UHRF1: variants seen among roughly 807,000 people sequenced by gnomAD.
UHRF1 encodes the protein E3 ubiquitin-protein ligase UHRF1.
In UHRF1, 9 loss-of-function variants were observed where a neutral mutation model predicts 96.5. That is an observed-to-expected ratio of 0.09 (90% CI 0.06 to 0.16). UHRF1 has a LOEUF of 0.16. Ranked by LOEUF, UHRF1 falls within the 10% of genes least tolerant of loss-of-function variation. UHRF1 has a pLI of 1.00. For missense variants in UHRF1, 626 were observed against 1,131.1 expected (o/e 0.55, Z 6.40); for synonymous variants, 455 against 469.9 (o/e 0.97, Z 0.41).
intron 2 of UHRF1, among the ~76,000 whole-genome samples, chr19:4,914,818 C>A (rs1271561053): frequency 2.0e-5 from 3 of 152,150 alleles, no homozygotes; most frequent in African/African-American, 7.2e-5. Flanking sequence ...AGGGCTAATA[C>A]CCACCACGCT....
At chr19:4,942,048 T>C (rs527675831) in intron 7 of UHRF1, 117 bp downstream of exon 7, 2 of 1,172,810 alleles carry the variant, frequency 1.7e-6, no homozygotes, top group African/African-American at 3.2e-5. Flanking sequence ...GCAATCCCAG[T>C]GCTTTGGGAG....
upstream of UHRF1, chr19:4,909,314 C>G (rs1445211999): frequency 7.3e-6 from 4 of 549,396 alleles, no homozygotes; most frequent in Non-Finnish European, 1.3e-5. Flanking sequence ...CCCAGCAGAG[C>G]GCGCAGGGCT....
chr19:4,954,566 G>T lies in UHRF1; in HGVS notation c.1957+78G>T, dbSNP rs2033802972. On this transcript the variant is annotated intron_variant, in intron 14 of 16. Transcript: ENST00000650932. This position sits in a 1 kb window ranked among gnomAD's most constrained non-coding sequence, Gnocchi z 5.9. The stretch of plus-strand genomic sequence containing the variant: ...GGCATCTCGCGGGTGTGGGGTTGAG[G>T]TCGTGTGGACGTGGGAGCCGGTGGC... 1.3e-6 allele frequency: 2 copies of T among 1,587,464 alleles called. No homozygotes were observed. Among genetic ancestry groups the T allele is most frequent in the Non-Finnish European group, 1.7e-6 (2 of 1,165,066 alleles).
intron 10 of UHRF1, among the ~76,000 whole-genome samples, chr19:4,946,331 C>A (rs2033564214): frequency 6.6e-6 from 1 of 152,132 alleles, no homozygotes; most frequent in South Asian, 2.1e-4. Context: ...CTTGCTTTGT[C>A]CATGTTGTCG....
chr19:4,911,744 C>T (rs987738970), intron 2 of UHRF1, among the ~76,000 whole-genome samples: 3 of 152,130 alleles, frequency 2.0e-5, no homozygotes, highest in South Asian at 2.1e-4. Context: ...GGTGGAGGTG[C>T]TACTTTGGTT....
At position 4,954,437 on chromosome 19, in the gene UHRF1, G is replaced by A. The variant is rs747402498; in HGVS notation, c.1906G>A (p.Gly636Ser). 1.2e-6 allele frequency: 2 copies of A among 1,613,758 alleles called. No individual in the cohort carries two copies. The highest frequency in any genetic ancestry group is 1.7e-6 in the Non-Finnish European group (2 of 1,179,762). The change falls in exon 14 of 17, where the codon GGC becomes AGC. Residue 636 changes from glycine to serine, a missense_variant. By Grantham distance (56) the Gly-to-Ser change is moderately conservative. Around this residue, in one of 11 missense-constraint regions of UHRF1, gnomAD observed 90 missense variants for 94.7 expected, o/e 0.95. Transcript: ENST00000650932. The surrounding 1 kb of genome is among the most constrained non-coding windows in gnomAD (Gnocchi z 5.9). ...GGAGGAGGAGGAGCAGCAGGAGGGG[G>A]GCTTCGCGTCCCCCAGGACGGGCAA... Reference protein sequence around the residue: ...KREEEEQQEGGFASPRTGKGK... With the variant: ...KREEEEQQEGSFASPRTGKGK...
At chr19:4,919,710 G>A (rs888463123) in intron 2 of UHRF1, among the ~76,000 whole-genome samples, 3 of 152,150 alleles carry the variant, frequency 2.0e-5, no homozygotes, top group African/African-American at 7.2e-5. Context: ...AGTTAGGGCT[G>A]AGGTGGTGTC....
chr19:4,913,252 C>CTTT (rs4022195), intron 2 of UHRF1, among the ~76,000 whole-genome samples: 38,964 of 110,938 alleles, frequency 0.35, 8,370 homozygotes, highest in African/African-American at 0.48. Context: ...GTACATTGTG[C>CTTT]TTTTTTTTTT....
intron 10 of UHRF1, among the ~76,000 whole-genome samples, chr19:4,946,806 G>C (rs2033579464): frequency 6.6e-6 from 1 of 152,126 alleles, no homozygotes; most frequent in African/African-American, 2.4e-5. Flanking sequence ...GAACTCCTGG[G>C]CTTAAGCGAT....
chr19:4,956,088 C>T (rs903960075), intron 15 of UHRF1, among the ~76,000 whole-genome samples: 6 of 152,112 alleles, frequency 3.9e-5, no homozygotes, highest in East Asian at 3.9e-4. Context: ...GCACCCACCA[C>T]GCCTGGCTAA....
chr19:4,930,328 G>A lies in UHRF1; in HGVS notation c.409-388G>A, dbSNP rs1279675719. On this transcript the variant is annotated intron_variant, in intron 3 of 16. Coordinates refer to ENST00000650932, the MANE Select transcript of UHRF1 (RefSeq NM_001048201.3). The surrounding 1 kb of genome is among the most constrained non-coding windows in gnomAD (Gnocchi z 4.4). ...TTACCATGTTGCCCAGGCTAGTCTTGAATTCCGGGGCTCAAGCGATCCACC... is the reference window on the plus strand; with the variant it reads ...TTACCATGTTGCCCAGGCTAGTCTTAAATTCCGGGGCTCAAGCGATCCACC... 6.6e-6 allele frequency among the ~76,000 whole-genome samples: 1 copy of A among 152,156 alleles called. No individual in the cohort carries two copies. Among genetic ancestry groups the A allele is most frequent in the Non-Finnish European group, 1.5e-5 (1 of 68,034 alleles).
In UHRF1 at chr19:4,954,682, C is replaced by T. The variant is rs529418789; in HGVS notation, c.1990C>T (p.Arg664Trp). The change falls in exon 15 of 17, where the codon CGG becomes TGG. Residue 664 changes from arginine (R) to tryptophan (W), a missense_variant. Arg to Trp is a moderately radical substitution (Grantham distance 101, BLOSUM62 -3). Coordinates refer to ENST00000650932, the MANE Select transcript of UHRF1 (RefSeq NM_001048201.3). The surrounding 1 kb of genome is among the most constrained non-coding windows in gnomAD (Gnocchi z 5.9). ...GGPSRAGSPR[R>W]TSKKTKVEPY... ...CCCGAGCAGGGCCGGGTCCCCGCGC[C>T]GGACATCCAAGAAAACCAAGGTGGA... is the stretch of plus-strand genomic sequence containing the variant. 21 of 1,613,096 alleles carry T rather than the reference C, an allele frequency of 1.3e-5. 1 individual carries two copies. Among genetic ancestry groups the T allele is most frequent in the Admixed American group, 6.7e-5 (4 of 59,892 alleles).
intron 11 of UHRF1, among the ~76,000 whole-genome samples, chr19:4,949,945 T>C (rs1429169401): frequency 3.9e-5 from 6 of 151,940 alleles, no homozygotes; most frequent in Non-Finnish European, 7.4e-5. Context: ...TCGTAGCTCA[T>C]TGTAGCCTCC....
intron 8 of UHRF1, 21 bp downstream of exon 8, chr19:4,944,276 G>A (rs368878383): frequency 1.9e-4 from 299 of 1,613,664 alleles, no homozygotes; most frequent in Non-Finnish European, 2.4e-4. Context: ...TCCTTCCCAC[G>A]TGCCCGTGGC....
chr19:4,930,843 A>T lies in UHRF1; in HGVS notation c.536A>T (p.Glu179Val). The change falls in exon 4 of 17, where the codon GAG becomes GTG. Residue 179 changes from glutamate to valine, a missense_variant. Transcript: ENST00000650932. The surrounding 1 kb of genome is among the most constrained non-coding windows in gnomAD (Gnocchi z 4.4). ...PCSSTSRPAL[E>V]EDVIYHVKYD... The stretch of plus-strand genomic sequence containing the variant: ...AGCTCCACGTCCAGGCCGGCGCTGG[A>T]GGAGGACGTCATTTACCACGTGAAA... The T allele has an allele frequency of 2.5e-6, 4 of 1,613,910 alleles. No homozygotes were observed. In the South Asian group the frequency reaches 3.3e-5, roughly 13 times the overall value.
chr19:4,924,094 G>A (rs1568412502), intron 2 of UHRF1, among the ~76,000 whole-genome samples: 1 of 152,200 alleles, frequency 6.6e-6, no homozygotes, highest in East Asian at 1.9e-4. Flanking sequence ...AGCCTCTTGA[G>A]TATTTGGGAT....
At chr19:4,933,652 G>A (rs947856305) in intron 5 of UHRF1, among the ~76,000 whole-genome samples, 2 of 152,108 alleles carry the variant, frequency 1.3e-5, no homozygotes, top group East Asian at 1.9e-4. Flanking sequence ...CCTTTTTGGC[G>A]ACATCACTGT....
At chr19:4,913,702 T>C (rs957156775) in intron 2 of UHRF1, among the ~76,000 whole-genome samples, 3 of 152,100 alleles carry the variant, frequency 2.0e-5, no homozygotes, top group Non-Finnish European at 4.4e-5. Flanking sequence ...CTGAATTTCG[T>C]CTCCCAGGTC....
upstream of UHRF1, among the ~76,000 whole-genome samples, chr19:4,906,332 G>A (rs190298666): frequency 6.6e-6 from 1 of 152,072 alleles, no homozygotes; most frequent in African/African-American, 2.4e-5. Flanking sequence ...AGATGACTAG[G>A]GAACTGGAGC....
Sources: allele counts gnomAD v4.1 joint callset (sites outside exome capture counted in the v4.1 genomes callset), GRCh38; gene constraint gnomAD v4.1.1; regional missense constraint gnomAD v4.1.1; non-coding constraint Gnocchi (gnomAD v3.1); transcripts MANE v1.5; gene names NCBI Gene and HGNC (gene_info 2026-07-23, HGNC 2026-07-21).